KSR2: variants seen among roughly 807,000 people sequenced by gnomAD.
KSR2 encodes the protein kinase suppressor of ras 2.
Under a neutral mutation model 107.8 loss-of-function variants are expected in KSR2, and 25 were observed. The observed-to-expected ratio is 0.23, with a 90% CI of 0.17 to 0.32. The LOEUF (loss-of-function observed/expected upper bound fraction) is 0.32. KSR2 is among the 10% of genes least tolerant of loss of function. The pLI, the probability that KSR2 is intolerant of heterozygous loss-of-function variation, is 1.00. For missense variants in KSR2, 887 were observed against 1,268.9 expected (o/e 0.70, Z 4.57); for synonymous variants, 480 against 507.0 (o/e 0.95, Z 0.71).
At position 117,817,562 on chromosome 12, in the gene KSR2, G is replaced by A. The variant is rs189028561; in HGVS notation, c.472+37866C>T. On this transcript the variant is annotated intron_variant, in intron 3 of 19. Transcript: ENST00000339824. ...CACCCCTCTTTAAAGAAAGGACCCT[G>A]CTCCAGGATCTGACCTCATGATAAT... 1.5e-3 allele frequency among the ~76,000 whole-genome samples: 235 copies of A among 152,152 alleles called. 1 individual carries two copies. The highest frequency in any genetic ancestry group is 5.3e-3 in the African/African-American group (221 of 41,510).
At chr12:117,656,891 ATACT>A (rs1172304943) in intron 5 of KSR2, among the ~76,000 whole-genome samples, 1 of 142,262 alleles carries the variant, frequency 7.0e-6, no homozygotes, top group Non-Finnish European at 1.5e-5. Flanking sequence ...ATGTAAGTTA[ATACT>A]TAATAAACTC....
At chr12:117,730,485 C>A (rs936228323) in intron 4 of KSR2, among the ~76,000 whole-genome samples, 1 of 113,726 alleles carries the variant, frequency 8.8e-6, no homozygotes, top group East Asian at 2.5e-4. Flanking sequence ...TCCCTCGTCT[C>A]CCCTCTCCCT....
chr12:117,601,155 A>T (rs1880920839), intron 5 of KSR2, among the ~76,000 whole-genome samples: 1 of 152,166 alleles, frequency 6.6e-6, no homozygotes, highest in Non-Finnish European at 1.5e-5. Flanking sequence ...CATAGGATCA[A>T]CCAAGTGCTT....
At chr12:117,935,712 A>C (rs748661688) in intron 1 of KSR2, among the ~76,000 whole-genome samples, 36 of 152,256 alleles carry the variant, frequency 2.4e-4, no homozygotes, top group Non-Finnish European at 3.7e-4. Context: ...GTGAGCCAAG[A>C]TTGCGCTACT....
At chr12:117,732,903 C>T (rs1181356938) in intron 4 of KSR2, among the ~76,000 whole-genome samples, 4 of 152,050 alleles carry the variant, frequency 2.6e-5, no homozygotes, top group Non-Finnish European at 5.9e-5. Context: ...AGAGCAGTGC[C>T]CCGCCCTGCG....
chr12:117,526,778 C>T (rs1875199194), intron 13 of KSR2, among the ~76,000 whole-genome samples: 1 of 152,212 alleles, frequency 6.6e-6, no homozygotes, highest in African/African-American at 2.4e-5. Context: ...GGGGCACATC[C>T]CCCTTGGTAT....
At chr12:117,730,031 T>C (rs940147874) in intron 4 of KSR2, among the ~76,000 whole-genome samples, 3 of 152,218 alleles carry the variant, frequency 2.0e-5, no homozygotes, top group African/African-American at 4.8e-5. Context: ...GTAAATATTG[T>C]AGGCTCTGTG....
chr12:117,785,155 C>G (rs952870874), intron 3 of KSR2, among the ~76,000 whole-genome samples: 2 of 152,186 alleles, frequency 1.3e-5, no homozygotes, highest in Non-Finnish European at 2.9e-5. Flanking sequence ...TGGCTCACGC[C>G]TGTAATCCCA....
intron 3 of KSR2, among the ~76,000 whole-genome samples, chr12:117,852,220 C>T (rs1892952656): frequency 1.3e-5 from 2 of 150,950 alleles, no homozygotes. Flanking sequence ...CTCAGGAGGT[C>T]AAGACCAGCC....
At chr12:117,655,585 A>G (rs1257824870) in intron 5 of KSR2, among the ~76,000 whole-genome samples, 1 of 152,226 alleles carries the variant, frequency 6.6e-6, no homozygotes, top group African/African-American at 2.4e-5. Flanking sequence ...GTGATCCACT[A>G]GCAAAGTTTT....
chr12:117,626,061 C>G (rs1565932236), intron 5 of KSR2, among the ~76,000 whole-genome samples: 1 of 151,888 alleles, frequency 6.6e-6, no homozygotes, highest in Non-Finnish European at 1.5e-5. Context: ...CCCTTTATCA[C>G]TTTTTTATTG....
At chr12:117,662,052 C>T (rs1884454377) in intron 5 of KSR2, among the ~76,000 whole-genome samples, 1 of 152,126 alleles carries the variant, frequency 6.6e-6, no homozygotes, top group East Asian at 1.9e-4. Flanking sequence ...CTAAAAGATG[C>T]CAGGCAACGT....
At chr12:117,922,683 T>G (rs913054857) in intron 1 of KSR2, among the ~76,000 whole-genome samples, 2 of 152,140 alleles carry the variant, frequency 1.3e-5, no homozygotes, top group African/African-American at 2.4e-5. Context: ...TATTTAGAGC[T>G]TTAAGACCCA....
intron 4 of KSR2, among the ~76,000 whole-genome samples, chr12:117,668,136 C>T (rs1397640015): frequency 6.6e-6 from 1 of 152,220 alleles, no homozygotes; most frequent in Non-Finnish European, 1.5e-5. Context: ...TCCCCAAATC[C>T]ACTGCCCTTC....
chr12:117,660,870 A>C (rs1884405058), intron 5 of KSR2, among the ~76,000 whole-genome samples: 1 of 152,238 alleles, frequency 6.6e-6, no homozygotes, highest in Admixed American at 6.5e-5. Flanking sequence ...TTTGAGAGCA[A>C]CTTACACCTG....
intron 10 of KSR2, among the ~76,000 whole-genome samples, chr12:117,538,957 C>G (rs1876254315): frequency 6.6e-6 from 1 of 151,992 alleles, no homozygotes; most frequent in Non-Finnish European, 1.5e-5. Flanking sequence ...TGGGGAGATT[C>G]TTAGGTCTCG....
At chr12:117,469,037 G>A (rs917562465) in intron 19 of KSR2, among the ~76,000 whole-genome samples, 1 of 152,162 alleles carries the variant, frequency 6.6e-6, no homozygotes, top group Non-Finnish European at 1.5e-5. Context: ...ACCTTCTAGA[G>A]AGCTCAGTCA....
chr12:117,559,414 T>C (rs909761131), intron 7 of KSR2, among the ~76,000 whole-genome samples: 8 of 152,212 alleles, frequency 5.3e-5, no homozygotes, highest in African/African-American at 1.4e-4. Context: ...TTCCATTTAC[T>C]TGAAGATTCA....
intron 14 of KSR2, among the ~76,000 whole-genome samples, chr12:117,522,876 G>C (rs903166234): frequency 1.3e-5 from 2 of 152,192 alleles, no homozygotes; most frequent in Non-Finnish European, 2.9e-5. Context: ...CAGCTACTGA[G>C]TCTGGCTCAG....
Sources: allele counts gnomAD v4.1 joint callset (sites outside exome capture counted in the v4.1 genomes callset), GRCh38; gene constraint gnomAD v4.1.1; transcripts MANE v1.5; gene names NCBI Gene and HGNC (gene_info 2026-07-23, HGNC 2026-07-21).